RNGTT: variants seen among roughly 807,000 people sequenced by gnomAD.
RNGTT encodes mRNA-capping enzyme.
RNGTT carries 33 observed loss-of-function variants against 79.3 expected under a neutral mutation model. That is an observed-to-expected ratio of 0.42 (90% CI 0.32 to 0.56). RNGTT has a LOEUF of 0.56. RNGTT is among the 20% of genes least tolerant of loss of function. RNGTT has a pLI of 0.17. For synonymous variants in RNGTT, 222 were observed against 235.9 expected (o/e 0.94, Z 0.54); for missense variants, 497 against 739.1 (o/e 0.67, Z 3.80).
At chr6:88,910,324 A>C (rs1211548545) in intron 4 of RNGTT, among the ~76,000 whole-genome samples, 1 of 152,230 alleles carries the variant, frequency 6.6e-6, no homozygotes, top group Non-Finnish European at 1.5e-5. Context: ...ATTTCAAAAT[A>C]CAATTAAAAA....
intron 8 of RNGTT, among the ~76,000 whole-genome samples, chr6:88,884,953 G>A (rs2127930381): frequency 6.6e-6 from 1 of 152,116 alleles, no homozygotes; most frequent in East Asian, 1.9e-4. Flanking sequence ...CTATCAGAGA[G>A]AGGAGTTACA....
chr6:88,837,233 C>CA (rs142936886), intron 11 of RNGTT, among the ~76,000 whole-genome samples: 5,719 of 152,068 alleles, frequency 0.038, 167 homozygotes, highest in African/African-American at 0.076. Context: ...ACTATCTCCA[C>CA]AAAAAATTTT....
intron 13 of RNGTT, among the ~76,000 whole-genome samples, chr6:88,765,059 G>A (rs1398967057): frequency 6.6e-6 from 1 of 151,926 alleles, no homozygotes; most frequent in Admixed American, 6.6e-5. Context: ...GGGCATGGTG[G>A]CAGGCGCCTG....
chr6:88,803,592 A>AC (rs1488108955), intron 11 of RNGTT, among the ~76,000 whole-genome samples: 3 of 151,008 alleles, frequency 2.0e-5, no homozygotes, highest in African/African-American at 7.4e-5. Context: ...AAAAAAAAAA[A>AC]AAAAACTAAA....
chr6:88,699,708 T>C (rs1363067947), intron 13 of RNGTT, among the ~76,000 whole-genome samples: 1 of 152,108 alleles, frequency 6.6e-6, no homozygotes, highest in Non-Finnish European at 1.5e-5. Flanking sequence ...TAACGTGGTA[T>C]GCACCTACAA....
At chr6:88,901,989 A>G (rs1459443223) in intron 6 of RNGTT, among the ~76,000 whole-genome samples, 1 of 152,188 alleles carries the variant, frequency 6.6e-6, no homozygotes, top group Non-Finnish European at 1.5e-5. Context: ...AGCAGCAGAA[A>G]GGGTAAATAT....
chr6:88,885,118 T>TCACA lies in RNGTT; in HGVS notation c.896+5373_896+5376dup, dbSNP rs150058750. Among the ~76,000 whole-genome samples the TCACA allele has an allele frequency of 3.1e-3, 464 of 149,152 alleles. 5 individuals carry two copies. Among genetic ancestry groups the TCACA allele is most frequent in the African/African-American group, 0.011 (429 of 40,788 alleles). On this transcript the variant is annotated intron_variant, in intron 8 of 15. Coordinates refer to ENST00000369485, the MANE Select transcript of RNGTT (RefSeq NM_003800.5). ...TATAGGTGTGTATTTATGTATATAC[T>TCACA]CACACACACACACACACACACATAT...
intron 6 of RNGTT, among the ~76,000 whole-genome samples, chr6:88,898,449 T>C (rs930154231): frequency 5.3e-5 from 8 of 152,136 alleles, no homozygotes; most frequent in Non-Finnish European, 8.8e-5. Flanking sequence ...AAGTGGTTTT[T>C]TAATCTTATC....
At chr6:88,834,276 T>C (rs749482022) in intron 11 of RNGTT, among the ~76,000 whole-genome samples, 16 of 152,332 alleles carry the variant, frequency 1.1e-4, no homozygotes, top group South Asian at 8.3e-4. Context: ...ACAATAAATC[T>C]TTACGTTCAC....
At chr6:88,740,518 A>C (rs2127824947) in intron 13 of RNGTT, among the ~76,000 whole-genome samples, 1 of 152,204 alleles carries the variant, frequency 6.6e-6, no homozygotes, top group South Asian at 2.1e-4. Context: ...CTGTCTCAAA[A>C]AAACAAAAAA....
At chr6:88,773,862 T>A (rs1778781892) in intron 12 of RNGTT, among the ~76,000 whole-genome samples, 1 of 152,152 alleles carries the variant, frequency 6.6e-6, no homozygotes. Context: ...ACAGAAGTCT[T>A]AGAAGAAAAC....
At chr6:88,757,928 A>C (rs1778074671) in intron 13 of RNGTT, among the ~76,000 whole-genome samples, 1 of 152,340 alleles carries the variant, frequency 6.6e-6, no homozygotes, top group East Asian at 1.9e-4. Context: ...TGTTTAAGTA[A>C]CAGTCTTAGG....
intron 12 of RNGTT, among the ~76,000 whole-genome samples, chr6:88,787,302 T>C (rs1779258875): frequency 6.6e-6 from 1 of 152,082 alleles, no homozygotes; most frequent in African/African-American, 2.4e-5. Context: ...TCCTGAGAAA[T>C]GTTGGTTAAC....
At chr6:88,882,066 C>G (rs1413430515) in intron 8 of RNGTT, among the ~76,000 whole-genome samples, 2 of 152,152 alleles carry the variant, frequency 1.3e-5, no homozygotes, top group Non-Finnish European at 2.9e-5. Flanking sequence ...TGTCCACATC[C>G]CTGTCTTTAC....
intron 13 of RNGTT, among the ~76,000 whole-genome samples, chr6:88,757,455 A>G (rs762023545): frequency 7.9e-5 from 12 of 152,244 alleles, no homozygotes; most frequent in Non-Finnish European, 1.6e-4. Context: ...AGCAAACTTA[A>G]TTATAATGTA....
chr6:88,796,384 T>C (rs1779604205), intron 12 of RNGTT, among the ~76,000 whole-genome samples: 1 of 152,170 alleles, frequency 6.6e-6, no homozygotes, highest in East Asian at 1.9e-4. Flanking sequence ...ACTGGAAAGA[T>C]AATACAGATA....
At chr6:88,651,220 T>C (rs778853930) in intron 14 of RNGTT, among the ~76,000 whole-genome samples, 6 of 152,080 alleles carry the variant, frequency 3.9e-5, no homozygotes, top group South Asian at 2.1e-4. Flanking sequence ...TAGGATAATT[T>C]TGGCATACAA....
chr6:88,812,675 G>A (rs984796058), intron 11 of RNGTT, among the ~76,000 whole-genome samples: 2 of 152,152 alleles, frequency 1.3e-5, no homozygotes, highest in Non-Finnish European at 2.9e-5. Context: ...AGACGGACGC[G>A]TGAGACCAAC....
At chr6:88,664,643 G>A (rs868568935) in intron 14 of RNGTT, among the ~76,000 whole-genome samples, 26 of 152,150 alleles carry the variant, frequency 1.7e-4, no homozygotes, top group African/African-American at 1.4e-4. Context: ...TAACCAGTGC[G>A]CCTATTGTAA....
Sources: gnomAD v4.1 joint callset for allele counts (sites outside exome capture counted in the v4.1 genomes callset) on GRCh38, gnomAD v4.1.1 for gene constraint, MANE v1.5 for transcripts, NCBI Gene and HGNC (gene_info 2026-07-23, HGNC 2026-07-21) for gene names.